The following BCL2 variants were observed in gnomAD, a reference collection of about 807,000 sequenced individuals.
BCL2 encodes the protein apoptosis regulator Bcl-2.
Under a neutral mutation model 14.2 loss-of-function variants are expected in BCL2, and 1 was observed. The observed-to-expected ratio is 0.07, with a 90% CI of 0.02 to 0.33. The LOEUF (loss-of-function observed/expected upper bound fraction) is 0.33. Ranked by LOEUF, BCL2 falls within the 10% of genes least tolerant of loss-of-function variation. The pLI is 0.99. For missense variants in BCL2, 247 were observed against 305.9 expected, an observed-to-expected ratio of 0.81 and a Z score of 1.44; for synonymous variants, 151 against 137.2, an observed-to-expected ratio of 1.10 and a Z score of -0.70.
chr18:63,274,896 C>A (rs762153447), intron 2 of BCL2, among the ~76,000 whole-genome samples: 1 of 152,168 alleles, frequency 6.6e-6, no homozygotes, highest in African/African-American at 2.4e-5. Flanking sequence ...TCCAGCTATG[C>A]ACACGCTGTA....
intron 2 of BCL2, among the ~76,000 whole-genome samples, chr18:63,213,832 T>C (rs1334148674): frequency 6.6e-6 from 1 of 152,078 alleles, no homozygotes; most frequent in Non-Finnish European, 1.5e-5. Context: ...CAGAGTTCTC[T>C]CGACGGCAGA....
chr18:63,129,352 C>T (rs891002486), intron 2 of BCL2, among the ~76,000 whole-genome samples: 1 of 150,912 alleles, frequency 6.6e-6, no homozygotes, highest in Non-Finnish European at 1.5e-5. Context: ...TGCAGTGGTG[C>T]AATCATGACC....
At chr18:63,232,466 A>G (rs979099386) in intron 2 of BCL2, among the ~76,000 whole-genome samples, 1 of 152,242 alleles carries the variant, frequency 6.6e-6, no homozygotes, top group African/African-American at 2.4e-5. Flanking sequence ...AAAAGTGAGC[A>G]AAGTCTAGAG....
At chr18:63,191,313 C>A (rs750980953) in intron 2 of BCL2, among the ~76,000 whole-genome samples, 13 of 152,172 alleles carry the variant, frequency 8.5e-5, no homozygotes, top group Non-Finnish European at 1.3e-4. Context: ...ATTTACATTC[C>A]CACCAACAGT....
At position 63,129,795 on chromosome 18, in the gene BCL2, G is replaced by T. The variant is rs182428037; in HGVS notation, c.586-1036C>A. ...TCAGTCAAGGGCTCAGTCAGTGGAGGGGCCAAGGGCGGCCTTGACTGGTGC... is the reference window on the plus strand; with the variant it reads ...TCAGTCAAGGGCTCAGTCAGTGGAGTGGCCAAGGGCGGCCTTGACTGGTGC... On this transcript the variant is annotated intron_variant, in intron 2 of 2. Coordinates refer to ENST00000333681, the MANE Select transcript of BCL2 (RefSeq NM_000633.3). Among the ~76,000 whole-genome samples, 15 of 152,282 alleles carry T rather than the reference G, an allele frequency of 9.9e-5. No homozygotes were observed. In the East Asian group the frequency reaches 2.9e-3, roughly 29 times the overall value.
intron 2 of BCL2, among the ~76,000 whole-genome samples, chr18:63,213,603 G>A (rs977143722): frequency 6.6e-6 from 1 of 150,846 alleles, no homozygotes; most frequent in Non-Finnish European, 1.5e-5. Context: ...TTGAGGCATT[G>A]TCTAATCCAC....
At chr18:63,185,429 A>C (rs1224763941) in intron 2 of BCL2, among the ~76,000 whole-genome samples, 1 of 152,252 alleles carries the variant, frequency 6.6e-6, no homozygotes, top group African/African-American at 2.4e-5. Context: ...GTGTCCTTAC[A>C]AATATCCCTG....
At chr18:63,295,545 T>C (rs1472949915) in intron 2 of BCL2, among the ~76,000 whole-genome samples, 4 of 152,136 alleles carry the variant, frequency 2.6e-5, no homozygotes, top group African/African-American at 9.7e-5. Context: ...ACCCTGTAAC[T>C]CAACTTCCCC....
intron 2 of BCL2, among the ~76,000 whole-genome samples, chr18:63,257,798 T>C (rs766321649): frequency 6.2e-4 from 94 of 152,200 alleles, no homozygotes; most frequent in South Asian, 1.2e-3. Flanking sequence ...AAATAAGCAA[T>C]GTCCTTTAAG....
intron 2 of BCL2, among the ~76,000 whole-genome samples, chr18:63,170,143 A>G (rs1011425673): frequency 2.0e-5 from 3 of 152,114 alleles, no homozygotes; most frequent in East Asian, 1.9e-4. Context: ...TTTTTCATCT[A>G]TAAAATGGGG....
rs958651048 is a variant in BCL2, at chr18:63,150,080, A to C, written c.586-21321T>G. On this transcript the variant is annotated intron_variant, in intron 2 of 2. Coordinates refer to ENST00000333681, the MANE Select transcript of BCL2 (RefSeq NM_000633.3). ...AGTTTTTTTGTAGAATTGGGGTTTC[A>C]CCATGTTGGCCAGGCTGGCCTGAAA... Among the ~76,000 whole-genome samples, 5 of 152,090 alleles carry C rather than the reference A, an allele frequency of 3.3e-5. No homozygotes were observed. The South Asian group carries it at 1.0e-3, about 32-fold the overall frequency.
intron 2 of BCL2, among the ~76,000 whole-genome samples, chr18:63,262,953 C>G (rs1322889383): frequency 1.3e-5 from 2 of 152,190 alleles, no homozygotes; most frequent in Non-Finnish European, 2.9e-5. Context: ...AGCCAGAATT[C>G]TCCTACTGCA....
intron 2 of BCL2, among the ~76,000 whole-genome samples, chr18:63,152,848 C>G (rs892348411): frequency 3.3e-5 from 5 of 152,176 alleles, no homozygotes; most frequent in African/African-American, 1.2e-4. Flanking sequence ...TATTTTCCAC[C>G]TATTTGATAA....
At chr18:63,287,725 G>C (rs1017050553) in intron 2 of BCL2, among the ~76,000 whole-genome samples, 2 of 152,148 alleles carry the variant, frequency 1.3e-5, no homozygotes, top group Admixed American at 1.3e-4. Context: ...ATGAGAGGTT[G>C]AATTAGAGCA....
At chr18:63,309,137 A>T (rs1411827344) in intron 2 of BCL2, among the ~76,000 whole-genome samples, 1 of 152,246 alleles carries the variant, frequency 6.6e-6, no homozygotes, top group Admixed American at 6.5e-5. Flanking sequence ...AACCCAATCC[A>T]TGCAAGTCTA....
chr18:63,278,864 C>G (rs1912230230), intron 2 of BCL2, among the ~76,000 whole-genome samples: 1 of 152,110 alleles, frequency 6.6e-6, no homozygotes, highest in South Asian at 2.1e-4. Context: ...AAAGAATAGA[C>G]AGACTCATAA....
intron 2 of BCL2, among the ~76,000 whole-genome samples, chr18:63,208,454 T>C (rs1159189680): frequency 2.7e-5 from 4 of 150,740 alleles, no homozygotes; most frequent in South Asian, 2.1e-4. Context: ...CAAGGGGACA[T>C]GGTATATTTG....
rs574274371 is a variant in BCL2, at chr18:63,224,576, C to T, written c.585+93506G>A. On this transcript the variant is annotated intron_variant, in intron 2 of 2. Transcript: ENST00000333681. Reference sequence around the variant, plus strand: ...AAGACAGACAAGTCATCATGTGACACAACAGAATGAAGACAATTTCAGACA... The same window carrying T: ...AAGACAGACAAGTCATCATGTGACATAACAGAATGAAGACAATTTCAGACA... 5.9e-5 allele frequency among the ~76,000 whole-genome samples: 9 copies of T among 152,286 alleles called. No homozygotes were observed. The East Asian group carries it at 1.3e-3, about 23-fold the overall frequency.
chr18:63,147,090 C>T lies in BCL2; in HGVS notation c.586-18331G>A, dbSNP rs116936826. ...CATCATGTTATCCTAGATTTATAAC[C>T]GGATAAGCTGGTCTGTTCTGATGTC... On this transcript the variant is annotated intron_variant, in intron 2 of 2. Coordinates refer to ENST00000333681, the MANE Select transcript of BCL2 (RefSeq NM_000633.3). Among the ~76,000 whole-genome samples the T allele has an allele frequency of 4.8e-4, 73 of 152,270 alleles. No individual in the cohort carries two copies. The East Asian group carries it at 0.013, about 28-fold the overall frequency.
Sources: allele counts gnomAD v4.1 joint callset (sites outside exome capture counted in the v4.1 genomes callset), GRCh38; gene constraint gnomAD v4.1.1; transcripts MANE v1.5; gene names NCBI Gene and HGNC (gene_info 2026-07-23, HGNC 2026-07-21).